The following TES variants were observed in gnomAD, a reference collection of about 807,000 sequenced individuals.
TES encodes the protein testin LIM domain protein.
In TES, 41 loss-of-function variants were observed where a neutral mutation model predicts 48.2. That is an observed-to-expected ratio of 0.85 (90% CI 0.66 to 1.10). The LOEUF (loss-of-function observed/expected upper bound fraction) is 1.10. TES is among the 50% of genes least tolerant of loss of function. The probability of loss-of-function intolerance (pLI) is 0.00; values close to 1 mark genes in which losing one functional copy is unlikely to be tolerated. For synonymous variants in TES, 162 were observed against 174.9 expected, an observed-to-expected ratio of 0.93 and a Z score of 0.58; for missense variants, 463 against 515.1, an observed-to-expected ratio of 0.90 and a Z score of 0.98.
chr7:116,250,779 C>T (rs563707122), intron 4 of TES, among the ~76,000 whole-genome samples: 43 of 152,204 alleles, frequency 2.8e-4, no homozygotes, highest in African/African-American at 7.9e-4. Flanking sequence ...TCAAAGACAG[C>T]ATTATTATTC....
At chr7:116,227,113 T>C (rs1799632012) in intron 1 of TES, among the ~76,000 whole-genome samples, 1 of 149,564 alleles carries the variant, frequency 6.7e-6, no homozygotes, top group South Asian at 2.1e-4. Context: ...TATTTATTTA[T>C]TTATTTATTT....
rs59927596 is a variant in TES at position 116,245,554 on chromosome 7, C to T, written c.114-3466C>T. On this transcript the variant is annotated intron_variant, in intron 2 of 6. Transcript: ENST00000358204. ...TTCCCACATCTTCCTGTCTTCTGAG[C>T]CCTCCAAGTCTCTAGGAATTTCCAA... Among the ~76,000 whole-genome samples the T allele has an allele frequency of 5.3e-3, 808 of 152,248 alleles. 2 individuals are homozygous for T. The highest frequency in any genetic ancestry group is 0.018 in the African/African-American group (747 of 41,542).
At chr7:116,253,399 T>C (rs1048431227) in intron 6 of TES, among the ~76,000 whole-genome samples, 4 of 152,208 alleles carry the variant, frequency 2.6e-5, no homozygotes, top group African/African-American at 9.7e-5. Flanking sequence ...ATTCTTATAA[T>C]TACAACCATT....
chr7:116,245,953 A>C (rs4730718), intron 2 of TES, among the ~76,000 whole-genome samples: 97,126 of 151,782 alleles, frequency 0.64, 31,343 homozygotes, highest in African/African-American at 0.71. Flanking sequence ...AGAGAACTCA[A>C]TCACTATCAT....
At chr7:116,215,316 C>T (rs1045573906) in intron 1 of TES, among the ~76,000 whole-genome samples, 2 of 152,086 alleles carry the variant, frequency 1.3e-5, no homozygotes, top group Admixed American at 1.3e-4. Flanking sequence ...AAATAAGGTA[C>T]ATTTCAACAC....
intron 2 of TES, among the ~76,000 whole-genome samples, chr7:116,247,026 C>CATGA (rs965495471): frequency 1.4e-5 from 2 of 145,508 alleles, no homozygotes; most frequent in African/African-American, 5.1e-5. Context: ...GTGTATGTTG[C>CATGA]ATGAATGAAT....
At chr7:116,214,181 C>T (rs985025679) in intron 1 of TES, among the ~76,000 whole-genome samples, 9 of 151,998 alleles carry the variant, frequency 5.9e-5, no homozygotes, top group Admixed American at 1.3e-4. Flanking sequence ...AAATATGATG[C>T]ATTTTAAAGA....
At position 116,237,992 on chromosome 7, in the gene TES, T is replaced by C. The variant is rs966165628; in HGVS notation, c.113+3373T>C. 9 of 152,202 alleles carry C rather than the reference T, an allele frequency of 5.9e-5. 1 individual carries two copies. The highest frequency in any genetic ancestry group is 5.9e-4 in the Admixed American group (9 of 15,262). The allele number at this position is 152,202 out of a possible 1,614,324, so 9.4% of individuals were successfully genotyped here. On this transcript the variant is annotated intron_variant, in intron 2 of 6. Transcript: ENST00000358204. ...CTCCAAATACAGTCACATTAGGAGTTTGAGCTTCAGCATATGACTTTGAGG... is the reference window on the plus strand; with the variant it reads ...CTCCAAATACAGTCACATTAGGAGTCTGAGCTTCAGCATATGACTTTGAGG...
chr7:116,214,864 G>A (rs1262157636), intron 1 of TES, among the ~76,000 whole-genome samples: 1 of 151,970 alleles, frequency 6.6e-6, no homozygotes, highest in Non-Finnish European at 1.5e-5. Flanking sequence ...ACTCCTCTAG[G>A]AAATCTTTCT....
At chr7:116,243,826 G>A (rs947051469) in intron 2 of TES, 4 of 152,322 alleles carry the variant, frequency 2.6e-5, no homozygotes, top group Admixed American at 2.6e-4. Context: ...AAAGGAAAGA[G>A]CTTTAATTGA....
At position 116,251,616 on chromosome 7, in the gene TES, G is replaced by A. The variant is rs1800009950; in HGVS notation, c.703-144G>A. ...GAGAACGGCGTGAACCCAGGAGGCG[G>A]AGCTTGCAATGAGCCGAGATAGCAC... is the stretch of plus-strand genomic sequence containing the variant. On this transcript the variant is annotated intron_variant, in intron 4 of 6. Transcript: ENST00000358204. 2.4e-5 allele frequency: 18 copies of A among 749,628 alleles called. No individual in the cohort carries two copies. The South Asian group carries it at 3.1e-4, about 13-fold the overall frequency. The allele number at this position is 749,628 out of a possible 1,614,324, so 46.4% of individuals were successfully genotyped here.
intron 1 of TES, among the ~76,000 whole-genome samples, chr7:116,222,078 CT>C (rs927140372): frequency 6.6e-6 from 1 of 151,836 alleles, no homozygotes; most frequent in African/African-American, 2.4e-5. Context: ...AAACAGAATT[CT>C]TTTTTTTCCA....
Position 116,215,884 on chromosome 7 carries a change from GAAAC to G in TES, c.27+5154_27+5157del, listed in dbSNP as rs1236251273. Among the ~76,000 whole-genome samples, 3 of 152,018 alleles carry G rather than the reference GAAAC, an allele frequency of 2.0e-5. No individual in the cohort carries two copies. In the East Asian group the frequency reaches 5.8e-4, roughly 29 times the overall value. ...CAGCTAAGAATGGAGCAGCTAAAAA[GAAAC>G]AAAAAACAAACAAAAAACCTCTTAA... On this transcript the variant is annotated intron_variant, in intron 1 of 6. Coordinates refer to ENST00000358204, the MANE Select transcript of TES (RefSeq NM_015641.4).
In TES at chr7:116,250,503, A is replaced by AG; in HGVS notation, c.702+8dup. 6.6e-7 allele frequency: 1 copy of AG among 1,511,294 alleles called. No homozygotes were observed. The highest frequency in any genetic ancestry group is 8.8e-7 in the Non-Finnish European group (1 of 1,131,652). The allele number at this position is 1,511,294 out of a possible 1,614,324, so 93.6% of individuals were successfully genotyped here. ...GCACAAAAGAACTCAATATGTAAGT[A>AG]GAGTGGTCACACTGTTAGCCTGATT... On this transcript the variant is annotated splice_region_variant and intron_variant, in intron 4 of 6. Coordinates refer to ENST00000358204, the MANE Select transcript of TES (RefSeq NM_015641.4).
At chr7:116,247,866 G>T (rs1207252501) in intron 2 of TES, among the ~76,000 whole-genome samples, 1 of 151,932 alleles carries the variant, frequency 6.6e-6, no homozygotes, top group African/African-American at 2.4e-5. Context: ...TGTTTTACAT[G>T]GGTAAATTGC....
intron 1 of TES, among the ~76,000 whole-genome samples, chr7:116,223,714 A>G (rs901087419): frequency 3.9e-5 from 6 of 152,236 alleles, no homozygotes; most frequent in African/African-American, 1.4e-4. Flanking sequence ...GGAAGGAACA[A>G]AGTTCTGCTT....
intron 1 of TES, among the ~76,000 whole-genome samples, chr7:116,226,335 C>T (rs1160461842): frequency 2.6e-5 from 4 of 152,022 alleles, no homozygotes; most frequent in Admixed American, 2.6e-4. Context: ...ACAATTTGTG[C>T]CAAGGGGATA....
rs558983099 is a variant in TES, at chr7:116,210,588, G to C, written c.-120G>C. On this transcript the variant is annotated 5_prime_UTR_variant, in exon 1 of 7. Transcript: ENST00000358204. ...GTTCGACGGCGCCGGGCGAGTGGCTGTTGAGCGGCGCCGCGGGAGTTCCGC... is the reference window on the plus strand; with the variant it reads ...GTTCGACGGCGCCGGGCGAGTGGCTCTTGAGCGGCGCCGCGGGAGTTCCGC... The C allele has an allele frequency of 1.1e-5, 12 of 1,130,538 alleles. No individual in the cohort carries two copies. The African/African-American group carries it at 1.8e-4, about 17-fold the overall frequency. The allele number at this position is 1,130,538 out of a possible 1,614,324, so 70.0% of individuals were successfully genotyped here. A position where few individuals can be genotyped will look rare whatever the true frequency, so the allele number is the denominator to read the frequency against.
Position 116,257,570 on chromosome 7 carries a change from C to T in TES, c.*88C>T. ...AATGCAATTTGAAAAAAATAAAACGCAAAAAAAGAAACTGTAAAGGAAACC... is the reference window on the plus strand; with the variant it reads ...AATGCAATTTGAAAAAAATAAAACGTAAAAAAAGAAACTGTAAAGGAAACC... On this transcript the variant is annotated 3_prime_UTR_variant, in exon 7 of 7. Transcript: ENST00000358204. 1 of 1,166,932 alleles carries T rather than the reference C, an allele frequency of 8.6e-7. No homozygotes were observed. Among genetic ancestry groups the T allele is most frequent in the Non-Finnish European group, 1.1e-6 (1 of 897,980 alleles). The allele number at this position is 1,166,932 out of a possible 1,614,324, so 72.3% of individuals were successfully genotyped here. A position where few individuals can be genotyped will look rare whatever the true frequency, so the allele number is the denominator to read the frequency against.
Sources: gnomAD v4.1 joint callset for allele counts (sites outside exome capture counted in the v4.1 genomes callset) on GRCh38, gnomAD v4.1.1 for gene constraint, MANE v1.5 for transcripts, NCBI Gene and HGNC (gene_info 2026-07-23, HGNC 2026-07-21) for gene names.